Variants in IL1RAPL1 observed in about 807,000 individuals in gnomAD.
IL1RAPL1 encodes the protein interleukin-1 receptor accessory protein-like 1.
Under a neutral mutation model 48.4 loss-of-function variants are expected in IL1RAPL1, and 3 were observed. The observed-to-expected ratio is 0.06, with a 90% CI of 0.03 to 0.16. IL1RAPL1 has a LOEUF of 0.16. IL1RAPL1 is among the 10% of genes least tolerant of loss of function. The pLI is 1.00. For missense variants in IL1RAPL1, 349 were observed against 530.6 expected, an observed-to-expected ratio of 0.66 and a Z score of 3.36; for synonymous variants, 185 against 187.7, an observed-to-expected ratio of 0.99 and a Z score of 0.12.
chrX:28,883,185 C>T (rs886110264), intron 2 of IL1RAPL1, among the ~76,000 whole-genome samples: 18 of 111,962 alleles, frequency 1.6e-4, no homozygotes, highest in Admixed American at 4.8e-4. Context: ...ATAAAATCTT[C>T]GGCATGTATT....
intron 2 of IL1RAPL1, among the ~76,000 whole-genome samples, chrX:29,277,330 G>A (rs187719612): frequency 1.8e-5 from 2 of 111,754 alleles, no homozygotes; most frequent in Middle Eastern, 4.6e-3. Context: ...TAAACACTAA[G>A]AGAAGTAAAA....
chrX:29,383,543 G>T (rs980971424), intron 3 of IL1RAPL1, among the ~76,000 whole-genome samples: 11 of 111,615 alleles, frequency 9.9e-5, no homozygotes, highest in African/African-American at 3.3e-4. Flanking sequence ...CATATTCTGA[G>T]CATGTTTATG....
intron 5 of IL1RAPL1, among the ~76,000 whole-genome samples, chrX:29,586,516 G>A (rs1367157001): frequency 1.8e-5 from 2 of 111,404 alleles, no homozygotes; most frequent in African/African-American, 3.3e-5. Context: ...TGATTTCATC[G>A]TTTATGGTCT....
chrX:29,504,700 A>T (rs1935309951), intron 5 of IL1RAPL1, among the ~76,000 whole-genome samples: 1 of 112,345 alleles, frequency 8.9e-6, no homozygotes, highest in Non-Finnish European at 1.9e-5. Context: ...TTTTCCCAAC[A>T]CTTCAATTTC....
At chrX:29,551,712 C>T (rs777487289) in intron 5 of IL1RAPL1, among the ~76,000 whole-genome samples, 72 of 110,850 alleles carry the variant, frequency 6.5e-4, no homozygotes, top group Admixed American at 3.2e-3. Context: ...GTTCAAAAAC[C>T]GGTACCCCAC....
chrX:29,063,919 A>T (rs141498054), intron 2 of IL1RAPL1, among the ~76,000 whole-genome samples: 2 of 111,807 alleles, frequency 1.8e-5, no homozygotes, highest in African/African-American at 6.5e-5. Flanking sequence ...AAGTTACTCT[A>T]TGGGCCTATT....
intron 5 of IL1RAPL1, among the ~76,000 whole-genome samples, chrX:29,500,331 C>G (rs1378156231): frequency 8.9e-6 from 1 of 112,071 alleles, no homozygotes; most frequent in Non-Finnish European, 1.9e-5. Flanking sequence ...TTATTGTTAA[C>G]TATAGTCACC....
At chrX:29,149,602 C>G (rs1929420632) in intron 2 of IL1RAPL1, among the ~76,000 whole-genome samples, 1 of 111,741 alleles carries the variant, frequency 8.9e-6, no homozygotes, top group Non-Finnish European at 1.9e-5. Flanking sequence ...GCCCAACCCT[C>G]TCTTTTTCTC....
At chrX:28,751,528 T>A (rs1936043222) in intron 1 of IL1RAPL1, among the ~76,000 whole-genome samples, 1 of 112,005 alleles carries the variant, frequency 8.9e-6, no homozygotes, top group South Asian at 3.6e-4. Context: ...TAAAAAAAGT[T>A]GGTCTTTCCT....
At chrX:29,278,127 G>A (rs1285808404) in intron 2 of IL1RAPL1, among the ~76,000 whole-genome samples, 2 of 111,935 alleles carry the variant, frequency 1.8e-5, no homozygotes, top group Non-Finnish European at 3.8e-5. Flanking sequence ...TATGCAACAT[G>A]TATAAATTAT....
intron 5 of IL1RAPL1, among the ~76,000 whole-genome samples, chrX:29,661,371 T>C (rs1395526088): frequency 8.9e-6 from 1 of 112,457 alleles, no homozygotes; most frequent in East Asian, 2.8e-4. Context: ...ATACAAGTGG[T>C]AAAAGTGGAC....
Position 28,674,991 on chromosome X carries a change from T to C in IL1RAPL1, c.-25+86944T>C, listed in dbSNP as rs190053907. ...AAATATTTCTTGATTTTAGTTTTAATGCACAATAAAACACTAAGAATAAAT... is the reference window on the plus strand; with the variant it reads ...AAATATTTCTTGATTTTAGTTTTAACGCACAATAAAACACTAAGAATAAAT... On this transcript the variant is annotated intron_variant, in intron 1 of 10. Coordinates refer to ENST00000378993, the MANE Select transcript of IL1RAPL1 (RefSeq NM_014271.4). Among the ~76,000 whole-genome samples the C allele has an allele frequency of 2.7e-5, 3 of 112,155 alleles. No homozygotes were observed. The Admixed American group carries it at 2.8e-4, about 11-fold the overall frequency.
chrX:28,983,264 T>A (rs1050135532), intron 2 of IL1RAPL1, among the ~76,000 whole-genome samples: 26 of 111,565 alleles, frequency 2.3e-4, no homozygotes, highest in Non-Finnish European at 1.7e-4. Flanking sequence ...ATGTAGGAAA[T>A]TTCTCCATCC....
chrX:29,931,219 A>G (rs1354606535), intron 8 of IL1RAPL1, among the ~76,000 whole-genome samples: 2 of 111,420 alleles, frequency 1.8e-5, no homozygotes, highest in Non-Finnish European at 1.9e-5. Flanking sequence ...CTCTTTACAA[A>G]ATGAGAAAGA....
At chrX:29,804,761 G>C (rs939144371) in intron 6 of IL1RAPL1, among the ~76,000 whole-genome samples, 1 of 111,514 alleles carries the variant, frequency 9.0e-6, no homozygotes, top group African/African-American at 3.3e-5. Flanking sequence ...GCAGAATAAG[G>C]TCCTATATGT....
At chrX:29,500,999 G>A (rs759675111) in intron 5 of IL1RAPL1, among the ~76,000 whole-genome samples, 9 of 111,534 alleles carry the variant, frequency 8.1e-5, no homozygotes, top group African/African-American at 2.6e-4. Context: ...TTTAACATGG[G>A]TGAAATGATA....
chrX:29,067,892 C>A (rs1927483262), intron 2 of IL1RAPL1, among the ~76,000 whole-genome samples: 1 of 111,812 alleles, frequency 8.9e-6, no homozygotes, highest in South Asian at 3.7e-4. Flanking sequence ...AATATTATCT[C>A]TTTAGCAGCT....
intron 2 of IL1RAPL1, among the ~76,000 whole-genome samples, chrX:28,827,690 G>A (rs998088271): frequency 1.8e-5 from 2 of 111,581 alleles, no homozygotes; most frequent in African/African-American, 3.2e-5. Flanking sequence ...TGTACTTACA[G>A]CAAAGATAAA....
intron 2 of IL1RAPL1, among the ~76,000 whole-genome samples, chrX:29,212,835 C>T (rs777326753): frequency 3.6e-5 from 4 of 111,885 alleles, no homozygotes; most frequent in African/African-American, 6.5e-5. Context: ...TCATTATCTT[C>T]ATTGTCATCT....
Sources: gnomAD v4.1 joint callset for allele counts (sites outside exome capture counted in the v4.1 genomes callset) on GRCh38, gnomAD v4.1.1 for gene constraint, MANE v1.5 for transcripts, NCBI Gene and HGNC (gene_info 2026-07-23, HGNC 2026-07-21) for gene names.